ELL2: variants seen among roughly 807,000 people sequenced by gnomAD.
The protein encoded by ELL2 is elongation factor for RNA polymerase II 2, also known as RNA polymerase II elongation factor ELL2.
In ELL2, 21 loss-of-function variants were observed where a neutral mutation model predicts 72.8. The ratio of observed to expected loss-of-function variants is 0.29; its 90% confidence interval spans 0.20 to 0.42. The LOEUF (loss-of-function observed/expected upper bound fraction) is 0.42, where lower values mean the gene tolerates loss of function less well. Ranked by LOEUF, ELL2 falls within the 10% of genes least tolerant of loss-of-function variation. The pLI is 1.00. For synonymous variants in ELL2, 266 were observed against 283.2 expected, an observed-to-expected ratio of 0.94 and a Z score of 0.61; for missense variants, 568 against 772.8, an observed-to-expected ratio of 0.73 and a Z score of 3.14.
Position 95,887,313 on chromosome 5 carries a change from A to AT in ELL2, c.*1557dup, listed in dbSNP as rs1475217684. The AT allele has an allele frequency of 6.6e-6, 1 of 152,640 alleles. No individual in the cohort carries two copies. Among genetic ancestry groups the AT allele is most frequent in the African/African-American group, 2.4e-5 (1 of 41,462 alleles). 9.5% of individuals were successfully genotyped at this position (152,640 alleles called of 1,614,324 possible). A position where few individuals can be genotyped will look rare whatever the true frequency, so the allele number is the denominator to read the frequency against. On this transcript the variant is annotated 3_prime_UTR_variant, in exon 12 of 12. Transcript: ENST00000237853. Reference sequence around the variant, plus strand: ...TTTAGAACTCCAAAGAGAAAAGTTAATCTACATGCTCTCTCAAGTTTTCTA... The same window carrying AT: ...TTTAGAACTCCAAAGAGAAAAGTTAATTCTACATGCTCTCTCAAGTTTTCTA...
chr5:95,909,561 G>A (rs1256424836), intron 4 of ELL2, among the ~76,000 whole-genome samples: 1 of 152,286 alleles, frequency 6.6e-6, no homozygotes, highest in African/African-American at 2.4e-5. Context: ...GCAAGAAAAT[G>A]TCAGGTTCAA....
At chr5:95,903,363 C>T (rs1432897469) in intron 5 of ELL2, among the ~76,000 whole-genome samples, 4 of 151,634 alleles carry the variant, frequency 2.6e-5, no homozygotes, top group African/African-American at 9.7e-5. Context: ...GGATTATAGG[C>T]GCCTGTCACC....
intron 1 of ELL2, among the ~76,000 whole-genome samples, chr5:95,960,266 C>T (rs1304949585): frequency 6.6e-6 from 1 of 151,914 alleles, no homozygotes. Flanking sequence ...CCTTCCGACT[C>T]TCTCCTCTCC....
At chr5:95,948,784 A>G (rs1415614461) in intron 1 of ELL2, among the ~76,000 whole-genome samples, 1 of 152,242 alleles carries the variant, frequency 6.6e-6, no homozygotes, top group Non-Finnish European at 1.5e-5. Flanking sequence ...AGGGAATAGT[A>G]TTTGAGCTAT....
chr5:95,927,478 CACACACGTGTGTATATAGACAT>C lies in ELL2; in HGVS notation c.196-7955_196-7934del, dbSNP rs1561504524. ...ACACACACGTGTGTATATAGACATA[CACACACGTGTGTATATAGACAT>C]ACACACACGTGTGTATATAGACATA... On this transcript the variant is annotated intron_variant, in intron 2 of 11. Transcript: ENST00000237853. Among the ~76,000 whole-genome samples, 20 of 34,298 alleles carry C rather than the reference CACACACGTGTGTATATAGACAT, an allele frequency of 5.8e-4. 3 individuals carry two copies. Among genetic ancestry groups the C allele is most frequent in the African/African-American group, 1.7e-3 (6 of 3,436 alleles). 22.5% of individuals were successfully genotyped at this position (34,298 alleles called of 152,430 possible).
chr5:95,890,960 A>T, intron 10 of ELL2, 143 bp downstream of exon 10: 1 of 929,364 alleles, frequency 1.1e-6, no homozygotes, highest in Non-Finnish European at 1.7e-6. Flanking sequence ...TATTTCAAAT[A>T]TTTAGTTTCC....
intron 2 of ELL2, among the ~76,000 whole-genome samples, chr5:95,940,854 C>G (rs1254834493): frequency 6.6e-6 from 1 of 152,068 alleles, no homozygotes; most frequent in African/African-American, 2.4e-5. Flanking sequence ...GTACAGAAGA[C>G]CCTCACATCG....
chr5:95,892,391 C>A (rs1316252004), intron 9 of ELL2, among the ~76,000 whole-genome samples: 1 of 152,254 alleles, frequency 6.6e-6, no homozygotes, highest in Non-Finnish European at 1.5e-5. Flanking sequence ...AAGTGATCCA[C>A]CCGCCTTGGC....
At chr5:95,955,245 C>T (rs1751586863) in intron 1 of ELL2, among the ~76,000 whole-genome samples, 1 of 152,158 alleles carries the variant, frequency 6.6e-6, no homozygotes, top group Admixed American at 6.5e-5. Flanking sequence ...GAAACTCATG[C>T]CATTTGTTTA....
chr5:95,950,505 T>C (rs931822593), intron 1 of ELL2, among the ~76,000 whole-genome samples: 6 of 152,186 alleles, frequency 3.9e-5, no homozygotes, highest in African/African-American at 1.4e-4. Flanking sequence ...AAGCCAATAA[T>C]ATGCTTAGAA....
chr5:95,910,527 T>C (rs562294947), intron 4 of ELL2, among the ~76,000 whole-genome samples: 7 of 152,142 alleles, frequency 4.6e-5, no homozygotes, highest in African/African-American at 1.7e-4. Flanking sequence ...TGGAAGATAA[T>C]GTTTTCTAGG....
At chr5:95,958,374 C>G (rs1447481191) in intron 1 of ELL2, among the ~76,000 whole-genome samples, 1 of 152,232 alleles carries the variant, frequency 6.6e-6, no homozygotes, top group Non-Finnish European at 1.5e-5. Context: ...GCTAGCAACT[C>G]TTACTGTGCC....
chr5:95,942,250 C>G (rs1750995799), intron 2 of ELL2, among the ~76,000 whole-genome samples: 1 of 152,084 alleles, frequency 6.6e-6, no homozygotes, highest in African/African-American at 2.4e-5. Context: ...CTCTATAGCT[C>G]TAAAAATCCA....
chr5:95,901,698 G>A (rs1048856327), intron 5 of ELL2, among the ~76,000 whole-genome samples: 1 of 152,166 alleles, frequency 6.6e-6, no homozygotes, highest in African/African-American at 2.4e-5. Context: ...ATTTGAAAAC[G>A]GAGATGGCTA....
At chr5:95,889,239 A>C (rs1748572112) in intron 10 of ELL2, 109 bp from the exon 11 acceptor site, 6 of 887,964 alleles carry the variant, frequency 6.8e-6, no homozygotes, top group Non-Finnish European at 1.0e-5. Flanking sequence ...GACTGTGGGA[A>C]TGTAACTTGA....
intron 5 of ELL2, 50 bp downstream of exon 5, chr5:95,906,473 C>T (rs1416991884): frequency 2.0e-6 from 3 of 1,512,484 alleles, no homozygotes; most frequent in Non-Finnish European, 2.7e-6. Context: ...TTTAAATGAA[C>T]ATTTTAACAA....
At position 95,938,286 on chromosome 5, in the gene ELL2, T is replaced by C. The variant is rs139592679; in HGVS notation, c.195+4716A>G. Among the ~76,000 whole-genome samples, 297 of 152,326 alleles carry C rather than the reference T, an allele frequency of 1.9e-3. 1 individual carries two copies. Among genetic ancestry groups the C allele is most frequent in the South Asian group, 9.1e-3 (44 of 4,832 alleles). On this transcript the variant is annotated intron_variant, in intron 2 of 11. Transcript: ENST00000237853. ...GGTCATTGTGCCTTTTTAGAAGGCA[T>C]ACATTTAGAACTTGTTTGGCTGGCT...
In ELL2 at chr5:95,900,941, A is replaced by G; in HGVS notation, c.866+15T>C. 1 of 1,577,780 alleles carries G rather than the reference A, an allele frequency of 6.3e-7. No individual in the cohort carries two copies. Among genetic ancestry groups the G allele is most frequent in the Non-Finnish European group, 8.5e-7 (1 of 1,170,606 alleles). Reference sequence around the variant, plus strand: ...AAAGAAACATTTTTTTAAAAGCAAGAAAAAAAGAATTCACCTAGAGAGCAC... The same window carrying G: ...AAAGAAACATTTTTTTAAAAGCAAGGAAAAAAGAATTCACCTAGAGAGCAC... On this transcript the variant is annotated intron_variant, in intron 6 of 11. Coordinates refer to ENST00000237853, the MANE Select transcript of ELL2 (RefSeq NM_012081.6).
Position 95,920,433 on chromosome 5 carries a change from C to T in ELL2, c.196-888G>A, listed in dbSNP as rs183013123. Among the ~76,000 whole-genome samples, 1,309 of 151,854 alleles carry T rather than the reference C, an allele frequency of 8.6e-3. 17 individuals carry two copies. The highest frequency in any genetic ancestry group is 0.03 in the African/African-American group (1,263 of 41,420). On this transcript the variant is annotated intron_variant, in intron 2 of 11. Coordinates refer to ENST00000237853, the MANE Select transcript of ELL2 (RefSeq NM_012081.6). ...TCAAGCAATTCTCTGCCTCAGCCTC[C>T]TGAGTAGCTGGGATTATAGGTGCCC...
Sources: allele counts gnomAD v4.1 joint callset (sites outside exome capture counted in the v4.1 genomes callset), GRCh38; gene constraint gnomAD v4.1.1; transcripts MANE v1.5; gene names NCBI Gene and HGNC (gene_info 2026-07-23, HGNC 2026-07-21).